Variants in PMM2 observed in about 807,000 individuals in gnomAD.
PMM2 encodes the protein mannose-6-phosphate isomerase.
In PMM2, 35 loss-of-function variants were observed where a neutral mutation model predicts 33.2. The ratio of observed to expected loss-of-function variants is 1.06; its 90% CI spans 0.81 to 1.40. The LOEUF (loss-of-function observed/expected upper bound fraction) is 1.40, where lower values mean the gene tolerates loss of function less well. Ranked by LOEUF, PMM2 falls within the 40% of genes most tolerant of loss-of-function variation. The pLI is 0.00. For missense variants in PMM2, 386 were observed against 306.0 expected (o/e 1.26, Z -1.95); for synonymous variants, 153 against 114.7 (o/e 1.33, Z -2.13).
intron 6 of PMM2, 52 bp from the exon 7 acceptor site, chr16:8,812,939 A>G (rs1188052710): frequency 1.0e-6 from 1 of 986,024 alleles, no homozygotes; most frequent in African/African-American, 1.6e-5. Flanking sequence ...GTGACATATC[A>G]TTAGCCCCTT....
intron 7 of PMM2, among the ~76,000 whole-genome samples, chr16:8,831,542 A>C (rs1401822813): frequency 6.6e-6 from 1 of 152,186 alleles, no homozygotes; most frequent in Admixed American, 6.5e-5. Context: ...CTCAAAAATA[A>C]ATAAGAGTCC....
chr16:8,811,760 A>C, intron 6 of PMM2, 47 bp downstream of exon 6: 1 of 1,328,786 alleles, frequency 7.5e-7, no homozygotes, highest in Non-Finnish European at 1.1e-6. Context: ...CCCATTTCCC[A>C]GAGTTTGTTG....
intron 7 of PMM2, among the ~76,000 whole-genome samples, chr16:8,839,625 A>C (rs1304873205): frequency 6.6e-6 from 1 of 152,058 alleles, no homozygotes; most frequent in Non-Finnish European, 1.5e-5. Context: ...GTGTCTTCCT[A>C]AGCAATAATT....
intron 3 of PMM2, 42 bp from the exon 4 acceptor site, chr16:8,806,274 G>C: frequency 2.3e-6 from 3 of 1,308,766 alleles, no homozygotes; most frequent in South Asian, 1.2e-5. Flanking sequence ...TTTTGAAAAT[G>C]CTCCTGCTAA....
At chr16:8,831,883 A>C (rs1330543203) in intron 7 of PMM2, among the ~76,000 whole-genome samples, 1 of 152,210 alleles carries the variant, frequency 6.6e-6, no homozygotes. Flanking sequence ...TGTCAGGTAC[A>C]CTATAATGAG....
chr16:8,806,166 G>A (rs2060646437), intron 3 of PMM2, 150 bp from the exon 4 acceptor site: 1 of 684,796 alleles, frequency 1.5e-6, no homozygotes, highest in Non-Finnish European at 2.7e-6. Context: ...ATAAGAGAAG[G>A]AATTAAACAG....
intron 6 of PMM2, 67 bp downstream of exon 6, chr16:8,811,780 G>A: frequency 9.5e-7 from 1 of 1,051,674 alleles, no homozygotes. Context: ...GTGGGCCAGT[G>A]AGCTATTGAT....
At chr16:8,815,662 C>T (rs2060704078) in intron 7 of PMM2, among the ~76,000 whole-genome samples, 1 of 152,128 alleles carries the variant, frequency 6.6e-6, no homozygotes. Context: ...CTGACTTCGT[C>T]CTTTTGGCCA....
intron 7 of PMM2, among the ~76,000 whole-genome samples, chr16:8,820,351 CT>C (rs545958069): frequency 0.14 from 18,178 of 133,082 alleles, 1,260 homozygotes; most frequent in East Asian, 0.21. Flanking sequence ...CACAGTTCTT[CT>C]TTTTTTTTTT....
chr16:8,848,130 T>A lies in PMM2; in HGVS notation c.*305T>A. The A allele has an allele frequency of 2.6e-6, 1 of 377,492 alleles. No homozygotes were observed. The highest frequency in any genetic ancestry group is 5.0e-6 in the Non-Finnish European group (1 of 198,174). The allele number at this position is 377,492 out of a possible 1,614,324, so 23.4% of individuals were successfully genotyped here. On this transcript the variant is annotated 3_prime_UTR_variant, in exon 8 of 8. Coordinates refer to ENST00000268261, the MANE Select transcript of PMM2 (RefSeq NM_000303.3). ...CAATCATGTAGTTTTGGCGGAAATTTCCCCATCATTCTAGGATGATACAGA... is the reference window on the plus strand; with the variant it reads ...CAATCATGTAGTTTTGGCGGAAATTACCCCATCATTCTAGGATGATACAGA...
At chr16:8,804,565 C>T (rs2060635575) in intron 2 of PMM2, among the ~76,000 whole-genome samples, 1 of 152,056 alleles carries the variant, frequency 6.6e-6, no homozygotes, top group Non-Finnish European at 1.5e-5. Flanking sequence ...CAGTCATCAT[C>T]GTTTAAATGT....
chr16:8,846,647 C>G (rs953818550), intron 7 of PMM2, among the ~76,000 whole-genome samples: 1 of 152,110 alleles, frequency 6.6e-6, no homozygotes, highest in African/African-American at 2.4e-5. Flanking sequence ...CTTTCTGAGG[C>G]CTCGGTTTCG....
chr16:8,845,897 G>T (rs1016231237), intron 7 of PMM2, among the ~76,000 whole-genome samples: 1 of 151,400 alleles, frequency 6.6e-6, no homozygotes, highest in South Asian at 2.1e-4. Context: ...CAGGAGGTTC[G>T]CTCGAGCCCA....
chr16:8,835,498 A>T (rs568888137), intron 7 of PMM2, among the ~76,000 whole-genome samples: 1 of 152,146 alleles, frequency 6.6e-6, no homozygotes, highest in East Asian at 1.9e-4. Context: ...AGGAATAGTA[A>T]AGAAAGCATG....
intron 6 of PMM2, among the ~76,000 whole-genome samples, chr16:8,811,922 C>G (rs752039470): frequency 2.0e-4 from 31 of 152,210 alleles, no homozygotes; most frequent in Non-Finnish European, 7.4e-5. Context: ...ACAGCTTACA[C>G]GCTGTTGGGC....
At chr16:8,804,495 ACAGT>A (rs751406677) in intron 2 of PMM2, among the ~76,000 whole-genome samples, 7 of 152,030 alleles carry the variant, frequency 4.6e-5, no homozygotes, top group African/African-American at 7.2e-5. Context: ...TCCTCTACAG[ACAGT>A]CAGGCTGAAG....
chr16:8,813,077 A>G lies in PMM2; in HGVS notation c.610A>G (p.Ile204Val), dbSNP rs2060686749. The G allele has an allele frequency of 6.2e-7, 1 of 1,609,774 alleles. No homozygotes were observed. The change falls in exon 7 of 8, where the codon ATT becomes GTT. Residue 204 changes from isoleucine to valine, a missense_variant. Coordinates refer to ENST00000268261, the MANE Select transcript of PMM2 (RefSeq NM_000303.3). Reference protein sequence around the residue: ...RHVENDGYKTIYFFGDKTMPG... With the variant: ...RHVENDGYKTVYFFGDKTMPG... ...TGTGGAAAATGACGGTTATAAGACC[A>G]TTTATTTCTTTGGAGACAAAACTAT... is the stretch of plus-strand genomic sequence containing the variant.
intron 1 of PMM2, among the ~76,000 whole-genome samples, chr16:8,800,360 C>CAA (rs5815496): frequency 0.048 from 6,179 of 128,350 alleles, 203 homozygotes; most frequent in Middle Eastern, 0.14. Flanking sequence ...GACTTCGTGT[C>CAA]AAAAAAAAAA....
At chr16:8,815,591 ATCT>A (rs2060703657) in intron 7 of PMM2, among the ~76,000 whole-genome samples, 1 of 152,166 alleles carries the variant, frequency 6.6e-6, no homozygotes, top group Admixed American at 6.5e-5. Flanking sequence ...TTGTTTCCGT[ATCT>A]TGGCCATTAT....
Sources: gnomAD v4.1 joint callset for allele counts (sites outside exome capture counted in the v4.1 genomes callset) on GRCh38, gnomAD v4.1.1 for gene constraint, MANE v1.5 for transcripts, NCBI Gene and HGNC (gene_info 2026-07-23, HGNC 2026-07-21) for gene names.